FRK: variants seen among roughly 807,000 people sequenced by gnomAD.
FRK encodes the protein fyn related Src family tyrosine kinase.
Under a neutral mutation model 56.4 loss-of-function variants are expected in FRK, and 51 were observed. The ratio of observed to expected loss-of-function variants is 0.90; its 90% confidence interval spans 0.72 to 1.14. The LOEUF (loss-of-function observed/expected upper bound fraction) is 1.14. Ranked by LOEUF, FRK falls within the 50% of genes most tolerant of loss-of-function variation. FRK has a pLI of 0.00. For synonymous variants in FRK, 245 were observed against 217.9 expected, an observed-to-expected ratio of 1.12 and a Z score of -1.10; for missense variants, 570 against 601.4, an observed-to-expected ratio of 0.95 and a Z score of 0.55.
At chr6:116,043,402 G>A (rs981988107) in intron 1 of FRK, among the ~76,000 whole-genome samples, 1 of 152,150 alleles carries the variant, frequency 6.6e-6, no homozygotes, top group Non-Finnish European at 1.5e-5. Flanking sequence ...AGACCACAGT[G>A]CAATCAAATT....
At chr6:116,094,734 G>A in the FRK span, among the ~76,000 whole-genome samples, 1 of 152,120 alleles carries the variant, frequency 6.6e-6, no homozygotes, top group South Asian at 2.1e-4. Flanking sequence ...AAGACCAGCA[G>A]AAAGGAAAGA....
the FRK span, among the ~76,000 whole-genome samples, chr6:116,089,358 A>C: frequency 1.3e-5 from 2 of 152,234 alleles, no homozygotes; most frequent in Non-Finnish European, 2.9e-5. Context: ...CAGAAAAGAG[A>C]GACAATTCTT....
At chr6:116,097,800 T>C in the FRK span, among the ~76,000 whole-genome samples, 2 of 152,230 alleles carry the variant, frequency 1.3e-5, no homozygotes, top group Non-Finnish European at 2.9e-5. Context: ...ATGGTATTAA[T>C]GTTACACATA....
the FRK span, among the ~76,000 whole-genome samples, chr6:116,091,486 C>A: frequency 6.6e-6 from 1 of 152,178 alleles, no homozygotes; most frequent in South Asian, 2.1e-4. Context: ...CTCTAACACT[C>A]ACCGCGAAGG....
chr6:116,003,539 T>C (rs950808506), intron 2 of FRK, among the ~76,000 whole-genome samples: 47 of 152,214 alleles, frequency 3.1e-4, no homozygotes, highest in African/African-American at 1.1e-3. Context: ...TATTGTAGCA[T>C]GATAATTTTG....
intron 1 of FRK, among the ~76,000 whole-genome samples, chr6:116,056,652 T>C (rs1562309294): frequency 6.6e-6 from 1 of 152,218 alleles, no homozygotes; most frequent in Non-Finnish European, 1.5e-5. Flanking sequence ...ATTATTTTTA[T>C]GTGAACTTTA....
intron 2 of FRK, among the ~76,000 whole-genome samples, chr6:115,997,034 T>A (rs1201542820): frequency 1.3e-5 from 2 of 152,222 alleles, no homozygotes; most frequent in African/African-American, 4.8e-5. Flanking sequence ...ATCATCCATA[T>A]TATTCAGAAA....
intron 2 of FRK, among the ~76,000 whole-genome samples, chr6:115,972,243 T>C (rs1238460248): frequency 6.6e-6 from 1 of 152,182 alleles, no homozygotes; most frequent in African/African-American, 2.4e-5. Flanking sequence ...TTTTGCTCAT[T>C]AGGAGACCCA....
intron 2 of FRK, among the ~76,000 whole-genome samples, chr6:115,993,368 A>C (rs768886725): frequency 1.8e-4 from 27 of 151,884 alleles, no homozygotes; most frequent in Non-Finnish European, 3.5e-4. Flanking sequence ...AGAATTCTGA[A>C]GCCAACTCAA....
chr6:116,026,302 T>C (rs1476594059), intron 1 of FRK, among the ~76,000 whole-genome samples: 1 of 152,202 alleles, frequency 6.6e-6, no homozygotes. Flanking sequence ...TTTATTCATT[T>C]ACATAGTTTT....
At chr6:116,047,962 A>C (rs1461328273) in intron 1 of FRK, among the ~76,000 whole-genome samples, 1 of 152,256 alleles carries the variant, frequency 6.6e-6, no homozygotes, top group Non-Finnish European at 1.5e-5. Flanking sequence ...GAAGCACAAA[A>C]AGATGGGACA....
intron 6 of FRK, 79 bp downstream of exon 6, chr6:115,944,165 T>C: frequency 1.7e-6 from 2 of 1,152,568 alleles, no homozygotes; most frequent in Non-Finnish European, 2.5e-6. Flanking sequence ...TTTTAAAGAA[T>C]AACAGTATAT....
At chr6:116,078,379 C>A in the FRK span, among the ~76,000 whole-genome samples, 11 of 152,120 alleles carry the variant, frequency 7.2e-5, no homozygotes, top group East Asian at 5.8e-4. Context: ...CTTGACCAAT[C>A]TGGGAAAATG....
intron 1 of FRK, among the ~76,000 whole-genome samples, chr6:116,015,803 C>T (rs1483071738): frequency 6.6e-6 from 1 of 152,116 alleles, no homozygotes; most frequent in Non-Finnish European, 1.5e-5. Context: ...GTGAACTTGA[C>T]AGAGATGATT....
intron 4 of FRK, among the ~76,000 whole-genome samples, chr6:115,957,304 G>A (rs150306205): frequency 2.6e-5 from 4 of 152,320 alleles, no homozygotes; most frequent in East Asian, 1.9e-4. Flanking sequence ...CAATTAAATC[G>A]TATTTTAATG....
chr6:116,085,502 T>C, the FRK span, among the ~76,000 whole-genome samples: 1 of 152,262 alleles, frequency 6.6e-6, no homozygotes, highest in African/African-American at 2.4e-5. Context: ...GTTGAACTTC[T>C]TGTCACAAAC....
chr6:115,960,562 C>G (rs1165596908), intron 4 of FRK, among the ~76,000 whole-genome samples: 5 of 140,458 alleles, frequency 3.6e-5, no homozygotes, highest in Admixed American at 1.4e-4. Context: ...GGAGGCCTGC[C>G]TGCCTCTGTA....
intron 5 of FRK, among the ~76,000 whole-genome samples, chr6:115,953,095 T>A (rs1307543745): frequency 6.5e-5 from 9 of 137,952 alleles, no homozygotes; most frequent in Non-Finnish European, 9.8e-5. Flanking sequence ...AAAAATTTTT[T>A]AAAAAAAGAA....
At chr6:115,982,532 A>T (rs1346580821) in intron 2 of FRK, among the ~76,000 whole-genome samples, 1 of 152,172 alleles carries the variant, frequency 6.6e-6, no homozygotes, top group Non-Finnish European at 1.5e-5. Flanking sequence ...GTCAGGTAAC[A>T]TACAAGTAAA....
Sources: gnomAD v4.1 joint callset for allele counts (sites outside exome capture counted in the v4.1 genomes callset) on GRCh38, gnomAD v4.1.1 for gene constraint, MANE v1.5 for transcripts, NCBI Gene and HGNC (gene_info 2026-07-23, HGNC 2026-07-21) for gene names.